Variants in PKD1L1 observed in about 807,000 individuals in gnomAD.
PKD1L1 encodes the protein polycystin 1 like 1, transient receptor potential channel interacting, also known as polycystin-1-like protein 1.
In PKD1L1, 236 loss-of-function variants were observed where a neutral mutation model predicts 323.4. That is an observed-to-expected ratio of 0.73 (90% CI 0.66 to 0.81). The LOEUF is 0.81. PKD1L1 is among the 40% of genes least tolerant of loss of function. PKD1L1 has a pLI of 0.00. For missense variants in PKD1L1, 3,320 were observed against 3,508.0 expected (o/e 0.95, Z 1.35); for synonymous variants, 1,344 against 1,335.0 (o/e 1.01, Z -0.15).
the PKD1L1 span, among the ~76,000 whole-genome samples, chr7:47,954,984 C>A: frequency 6.6e-6 from 1 of 152,226 alleles, no homozygotes; most frequent in Non-Finnish European, 1.5e-5. Flanking sequence ...TTTTCTCGTG[C>A]TACCCACAGG....
chr7:47,817,694 C>T (rs1785049378), intron 46 of PKD1L1, among the ~76,000 whole-genome samples: 1 of 152,074 alleles, frequency 6.6e-6, no homozygotes, highest in Non-Finnish European at 1.5e-5. Context: ...TATGGCTAAA[C>T]CCCCGTCTTT....
At chr7:47,817,969 C>G in intron 46 of PKD1L1, 2 of 1,125,022 alleles carry the variant, frequency 1.8e-6, no homozygotes, top group Non-Finnish European at 2.4e-6. Context: ...GATCTCTTAT[C>G]CTTTCAAGTA....
rs371865399 is a variant in PKD1L1 at position 47,827,298 on chromosome 7, C to T, written c.6854+52G>A. ...ACCAGCGGCAGTGGGGTACTCCCTC[C>T]GAGAAGGGAGCTGGAGTGGAGCAAG... is the stretch of plus-strand genomic sequence containing the variant. On this transcript the variant is annotated intron_variant, in intron 45 of 56. Coordinates refer to ENST00000289672, the MANE Select transcript of PKD1L1 (RefSeq NM_138295.5). The T allele has an allele frequency of 5.6e-5, 82 of 1,467,282 alleles. No individual in the cohort carries two copies. In the Middle Eastern group the frequency reaches 1.3e-3, roughly 23 times the overall value. The allele number at this position is 1,467,282 out of a possible 1,614,324, so 90.9% of individuals were successfully genotyped here. A position where few individuals can be genotyped will look rare whatever the true frequency, so the allele number is the denominator to read the frequency against.
Position 47,876,189 on chromosome 7 carries a change from A to C in PKD1L1, c.3692T>G (p.Ile1231Arg), listed in dbSNP as rs144442189. The C allele has an allele frequency of 2.4e-5, 39 of 1,614,108 alleles. No homozygotes were observed. In the African/African-American group the frequency reaches 4.5e-4, roughly 19 times the overall value. ...CAAAGTGTGTTTGGAGGTGTTTCCT[A>C]TCTGGTAACTAAATTCATAATGGAA... ...PDFHYEFSYQ[I>R]GNTSKHTLYH... The change falls in exon 23 of 57, where the codon ATA becomes AGA. Residue 1231 changes from isoleucine (I) to arginine (R), a missense_variant. Coordinates refer to ENST00000289672, the MANE Select transcript of PKD1L1 (RefSeq NM_138295.5).
chr7:47,818,281 G>C (rs534292732), intron 46 of PKD1L1: 14 of 1,098,960 alleles, frequency 1.3e-5, no homozygotes, highest in Middle Eastern at 2.6e-4. Context: ...AAAAGGGCGG[G>C]AGGGTAGGAA....
intron 21 of PKD1L1, among the ~76,000 whole-genome samples, chr7:47,879,929 T>TAAA (rs1562970185): frequency 1.8e-5 from 2 of 109,328 alleles, no homozygotes; most frequent in African/African-American, 4.6e-5. Context: ...GGACTCCGTC[T>TAAA]CAACAAAAAA....
At chr7:47,953,293 C>T (rs1045790431), upstream of PKD1L1, among the ~76,000 whole-genome samples, 10 of 152,150 alleles carry the variant, frequency 6.6e-5, no homozygotes, top group African/African-American at 1.9e-4. Context: ...TACAATTATC[C>T]GTATCATCTC....
In PKD1L1 at chr7:47,833,259, T is replaced by A; in HGVS notation, c.6175-7A>T. The A allele has an allele frequency of 6.2e-7, 1 of 1,611,232 alleles. No individual in the cohort carries two copies. Among genetic ancestry groups the A allele is most frequent in the South Asian group, 1.1e-5 (1 of 90,458 alleles). On this transcript the variant is annotated splice_polypyrimidine_tract_variant and splice_region_variant and intron_variant, in intron 40 of 56. Coordinates refer to ENST00000289672, the MANE Select transcript of PKD1L1 (RefSeq NM_138295.5). ...GAATGGCTGATGCAGGTTGCTAGAATGACAAGGTCATGCCAAGGTTAATAT... is the reference window on the plus strand; with the variant it reads ...GAATGGCTGATGCAGGTTGCTAGAAAGACAAGGTCATGCCAAGGTTAATAT...
At chr7:47,806,185 C>T (rs959666139) in intron 52 of PKD1L1, among the ~76,000 whole-genome samples, 1 of 152,192 alleles carries the variant, frequency 6.6e-6, no homozygotes, top group Non-Finnish European at 1.5e-5. Context: ...CATGTTTGCC[C>T]TAGTCATGCT....
At position 47,808,212 on chromosome 7, in the gene PKD1L1, G is replaced by A. The variant is rs551532901; in HGVS notation, c.7827+35C>T. 2.5e-6 allele frequency: 4 copies of A among 1,611,068 alleles called. No individual in the cohort carries two copies. In the African/African-American group the frequency reaches 5.3e-5, roughly 21 times the overall value. On this transcript the variant is annotated intron_variant, in intron 52 of 56. Coordinates refer to ENST00000289672, the MANE Select transcript of PKD1L1 (RefSeq NM_138295.5). ...CTTTTGGATGGCATCACAGTGCATG[G>A]CCTCTATCTGCATGGCCCTGAGCAC...
At chr7:47,877,655 G>C in intron 21 of PKD1L1, 24 bp from the exon 22 acceptor site, 2 of 1,610,772 alleles carry the variant, frequency 1.2e-6, no homozygotes, top group Non-Finnish European at 1.7e-6. Context: ...TGAAGCAGCG[G>C]TTTCACCCAT....
At chr7:47,848,106 C>G (rs1785702343) in intron 31 of PKD1L1, among the ~76,000 whole-genome samples, 1 of 152,086 alleles carries the variant, frequency 6.6e-6, no homozygotes, top group African/African-American at 2.4e-5. Flanking sequence ...ATCCTTTTGG[C>G]AAAGACGTGG....
In PKD1L1 at chr7:47,853,145, G is replaced by A. The variant is rs1456304945; in HGVS notation, c.4942C>T (p.Pro1648Ser). 5 of 1,611,610 alleles carry A rather than the reference G, an allele frequency of 3.1e-6. No homozygotes were observed. The South Asian group carries it at 3.3e-5, about 11-fold the overall frequency. ...CACTGACCTTTCTGAGAAGCAGCAG[G>A]TATATAAATCTGCACAATTGACTCA... Reference protein sequence around the residue: ...WDESIVQIYIPAASQKDASVG... With the variant: ...WDESIVQIYISAASQKDASVG... The change falls in exon 31 of 57, where the codon CCT becomes TCT. Residue 1648 changes from proline to serine, a missense_variant. By Grantham distance (74) the Pro-to-Ser change is moderately conservative. Coordinates refer to ENST00000289672, the MANE Select transcript of PKD1L1 (RefSeq NM_138295.5).
intron 7 of PKD1L1, among the ~76,000 whole-genome samples, chr7:47,921,869 C>T (rs1787548819): frequency 6.6e-6 from 1 of 151,794 alleles, no homozygotes; most frequent in Non-Finnish European, 1.5e-5. Flanking sequence ...AATGACACTC[C>T]TCTCTCCCTC....
chr7:47,826,871 T>C (rs921855049), intron 45 of PKD1L1, among the ~76,000 whole-genome samples: 7 of 152,248 alleles, frequency 4.6e-5, no homozygotes, highest in Admixed American at 1.3e-4. Context: ...ATCTGAATAT[T>C]AAACTTATTT....
chr7:47,873,077 T>C (rs771058326), intron 24 of PKD1L1, among the ~76,000 whole-genome samples: 8 of 152,348 alleles, frequency 5.3e-5, no homozygotes, highest in Non-Finnish European at 1.0e-4. Flanking sequence ...GATCATATGT[T>C]ATATTATCTC....
chr7:47,960,377 T>TAAAAAAAAAAAAAAAAAAAAAATAAA, the PKD1L1 span, among the ~76,000 whole-genome samples: 1 of 89,510 alleles, frequency 1.1e-5, no homozygotes, highest in Non-Finnish European at 2.1e-5. Context: ...AAAAAAAAAT[T>TAAAAAAAAAAAAAAAAAAAAAATAAA]AAAAAAAAAA....
rs1017839474 is a variant in PKD1L1 at position 47,879,664 on chromosome 7, T to G, written c.3520+1064A>C. ...AAAAAAAAAAAAAGGCCAGGCACGG[T>G]GGCTCACGCCTGTAATCCCAGCACT... On this transcript the variant is annotated intron_variant, in intron 21 of 56. Transcript: ENST00000289672. 3.9e-4 allele frequency among the ~76,000 whole-genome samples: 48 copies of G among 124,628 alleles called. 3 individuals are homozygous for G. Among genetic ancestry groups the G allele is most frequent in the African/African-American group, 4.9e-4 (15 of 30,582 alleles). 81.8% of individuals were successfully genotyped at this position (124,628 alleles called of 152,430 possible).
chr7:47,795,598 C>T (rs1025808056), intron 55 of PKD1L1, among the ~76,000 whole-genome samples: 3 of 152,152 alleles, frequency 2.0e-5, no homozygotes, highest in Admixed American at 6.5e-5. Flanking sequence ...GGTGACTGAA[C>T]TCAAGTAATG....
Sources: allele counts gnomAD v4.1 joint callset (sites outside exome capture counted in the v4.1 genomes callset), GRCh38; gene constraint gnomAD v4.1.1; transcripts MANE v1.5; gene names NCBI Gene and HGNC (gene_info 2026-07-23, HGNC 2026-07-21).